The following NAALADL2 variants were observed in gnomAD, a reference collection of about 807,000 sequenced individuals.
NAALADL2 encodes N-acetylated alpha-linked acidic dipeptidase like 2, also known as inactive N-acetylated-alpha-linked acidic dipeptidase-like protein 2.
Under a neutral mutation model 87.2 loss-of-function variants are expected in NAALADL2, and 76 were observed. The observed-to-expected ratio is 0.87, with a 90% CI of 0.72 to 1.05. The LOEUF (loss-of-function observed/expected upper bound fraction) is 1.05, where lower values mean the gene tolerates loss of function less well. NAALADL2 is among the 50% of genes least tolerant of loss of function. NAALADL2 has a pLI of 0.00. For synonymous variants in NAALADL2, 354 were observed against 331.0 expected, an observed-to-expected ratio of 1.07 and a Z score of -0.75; for missense variants, 1,089 against 945.8, an observed-to-expected ratio of 1.15 and a Z score of -1.99.
At chr3:175,298,565 A>G (rs1756656571) in intron 4 of NAALADL2, among the ~76,000 whole-genome samples, 1 of 152,116 alleles carries the variant, frequency 6.6e-6, no homozygotes, top group Admixed American at 6.6e-5. Flanking sequence ...ACATCTAAAA[A>G]TCCATCAAAT....
chr3:174,553,889 G>A (rs1712444786), intron 2 of NAALADL2, among the ~76,000 whole-genome samples: 1 of 151,320 alleles, frequency 6.6e-6, no homozygotes, highest in Non-Finnish European at 1.5e-5. Context: ...ATTTAAAGGT[G>A]CTGCTTTCAG....
chr3:175,028,516 C>T (rs116387285), intron 1 of NAALADL2, among the ~76,000 whole-genome samples: 3,730 of 152,006 alleles, frequency 0.025, 56 homozygotes, highest in Non-Finnish European at 0.034. Context: ...TTAATTCAAA[C>T]CAAAGTTCTA....
chr3:174,447,098 G>T (rs945749726), intron 1 of NAALADL2, among the ~76,000 whole-genome samples: 1 of 152,164 alleles, frequency 6.6e-6, no homozygotes, highest in African/African-American at 2.4e-5. Flanking sequence ...GGCACTTGTT[G>T]AGATAAGACA....
At chr3:175,432,228 T>C (rs1717878906) in intron 5 of NAALADL2, among the ~76,000 whole-genome samples, 1 of 151,928 alleles carries the variant, frequency 6.6e-6, no homozygotes. Flanking sequence ...ATATAAAGTG[T>C]AAAAATGGAA....
At chr3:174,804,644 A>G (rs1343298175) in intron 3 of NAALADL2, among the ~76,000 whole-genome samples, 1 of 152,122 alleles carries the variant, frequency 6.6e-6, no homozygotes, top group Non-Finnish European at 1.5e-5. Context: ...ATGTTCCATC[A>G]ATACCTACAG....
At position 175,585,398 on chromosome 3, in the gene NAALADL2, A is replaced by G. The variant is rs76364585; in HGVS notation, c.1800+9211A>G. 3.0e-3 allele frequency among the ~76,000 whole-genome samples: 462 copies of G among 152,328 alleles called. 15 individuals are homozygous for G. The East Asian group carries it at 0.083, about 27-fold the overall frequency. The stretch of plus-strand genomic sequence containing the variant: ...TAGATTCATGGTGAAGTATAATGCA[A>G]CAGTGCTTAATTCTTATTCTTCTAG... On this transcript the variant is annotated intron_variant, in intron 10 of 13. Transcript: ENST00000454872.
intron 1 of NAALADL2, among the ~76,000 whole-genome samples, chr3:174,448,104 T>C (rs1715191528): frequency 6.6e-6 from 1 of 152,192 alleles, no homozygotes; most frequent in African/African-American, 2.4e-5. Flanking sequence ...TGTGAGGTGC[T>C]CCATTTCCCT....
At chr3:174,574,349 C>A (rs570652333) in intron 2 of NAALADL2, among the ~76,000 whole-genome samples, 1 of 152,138 alleles carries the variant, frequency 6.6e-6, no homozygotes, top group Admixed American at 6.5e-5. Flanking sequence ...AACTTGTGAA[C>A]ATTTCAACAT....
intron 1 of NAALADL2, among the ~76,000 whole-genome samples, chr3:174,991,463 G>T (rs1746733631): frequency 7.5e-6 from 1 of 134,166 alleles, no homozygotes; most frequent in Non-Finnish European, 1.5e-5. Context: ...TATTTTTAGA[G>T]ACATTTAATT....
rs1275774570 is a variant in NAALADL2 at position 175,438,885 on chromosome 3, C to G, written c.1091-8344C>G. 4.6e-5 allele frequency among the ~76,000 whole-genome samples: 7 copies of G among 151,902 alleles called. No individual in the cohort carries two copies. The East Asian group carries it at 9.6e-4, about 21-fold the overall frequency. On this transcript the variant is annotated intron_variant, in intron 5 of 13. Coordinates refer to ENST00000454872, the MANE Select transcript of NAALADL2 (RefSeq NM_207015.3). ...TTTATTTTGATAGGTTTTGGGGGAA[C>G]GGGTGGTGTTTGGTTATATGAATAA...
intron 13 of NAALADL2, among the ~76,000 whole-genome samples, chr3:175,761,876 G>T (rs977067737): frequency 5.9e-5 from 9 of 151,962 alleles, no homozygotes; most frequent in African/African-American, 2.2e-4. Context: ...GTTGTTAGAC[G>T]TATTTTTATA....
intron 1 of NAALADL2, among the ~76,000 whole-genome samples, chr3:174,917,249 A>G (rs555512324): frequency 6.6e-6 from 1 of 152,252 alleles, no homozygotes; most frequent in Non-Finnish European, 1.5e-5. Flanking sequence ...TTCATTTCCA[A>G]TTCTTAACTG....
At chr3:174,502,025 T>A (rs1474018310) in intron 1 of NAALADL2, among the ~76,000 whole-genome samples, 1 of 152,172 alleles carries the variant, frequency 6.6e-6, no homozygotes, top group Non-Finnish European at 1.5e-5. Flanking sequence ...TTTTTGATCA[T>A]GTTGAGTTTA....
chr3:175,329,663 A>T (rs1761168935), intron 5 of NAALADL2, among the ~76,000 whole-genome samples: 1 of 152,158 alleles, frequency 6.6e-6, no homozygotes. Flanking sequence ...TTACTATTTC[A>T]TTGTAAGTGT....
intron 10 of NAALADL2, among the ~76,000 whole-genome samples, chr3:175,592,873 AAAACTT>A (rs1287538673): frequency 6.6e-6 from 1 of 152,040 alleles, no homozygotes; most frequent in East Asian, 1.9e-4. Flanking sequence ...CATGTACCCT[AAAACTT>A]AAAGTATAAT....
chr3:174,849,314 A>G (rs1298951154), intron 3 of NAALADL2, among the ~76,000 whole-genome samples: 2 of 152,222 alleles, frequency 1.3e-5, no homozygotes, highest in Non-Finnish European at 2.9e-5. Context: ...TTCTGTTGTA[A>G]TAACATTCAG....
At chr3:174,723,255 T>G (rs1170632891) in intron 2 of NAALADL2, among the ~76,000 whole-genome samples, 1 of 152,132 alleles carries the variant, frequency 6.6e-6, no homozygotes, top group Non-Finnish European at 1.5e-5. Flanking sequence ...TGAATTAAGT[T>G]AATTCACCTT....
intron 9 of NAALADL2, among the ~76,000 whole-genome samples, chr3:175,499,065 T>C (rs4894489): frequency 0.52 from 78,546 of 151,964 alleles, 22,296 homozygotes; most frequent in East Asian, 0.64. Flanking sequence ...TACATACTTA[T>C]TATGCATTTT....
intron 6 of NAALADL2, among the ~76,000 whole-genome samples, chr3:175,452,608 A>G (rs1378819121): frequency 1.3e-5 from 2 of 152,128 alleles, no homozygotes; most frequent in Non-Finnish European, 2.9e-5. Context: ...TCAGGGAGCT[A>G]GAACTCTTTA....
Sources: gnomAD v4.1 joint callset for allele counts (sites outside exome capture counted in the v4.1 genomes callset) on GRCh38, gnomAD v4.1.1 for gene constraint, MANE v1.5 for transcripts, NCBI Gene and HGNC (gene_info 2026-07-23, HGNC 2026-07-21) for gene names.